Variants in SPAG16 observed in about 807,000 individuals in gnomAD.
The protein encoded by SPAG16 is sperm-associated antigen 16 protein.
A neutral mutation model predicts 80.4 loss-of-function variants in SPAG16; 86 were observed. The observed-to-expected ratio is 1.07, with a 90% CI of 0.90 to 1.28. SPAG16 has a LOEUF of 1.28. Among genes scored for constraint, SPAG16 ranks in the 50% most tolerant of loss-of-function variants. SPAG16 has a pLI of 0.00. For missense variants in SPAG16, 870 were observed against 765.3 expected, an observed-to-expected ratio of 1.14 and a Z score of -1.61; for synonymous variants, 294 against 265.9, an observed-to-expected ratio of 1.11 and a Z score of -1.03.
At position 213,885,527 on chromosome 2, in the gene SPAG16, T is replaced by C. The variant is rs1363755013; in HGVS notation, c.1214+22899T>C. Among the ~76,000 whole-genome samples, 5 of 152,216 alleles carry C rather than the reference T, an allele frequency of 3.3e-5. No individual in the cohort carries two copies. The East Asian group carries it at 9.6e-4, about 29-fold the overall frequency. ...ACAAAAATTAATTAGTTACAGTTGG[T>C]GTTCTTTTCCGTGAGACTTTTCTTT... On this transcript the variant is annotated intron_variant, in intron 11 of 15. Coordinates refer to ENST00000331683, the MANE Select transcript of SPAG16 (RefSeq NM_024532.5).
intron 9 of SPAG16, among the ~76,000 whole-genome samples, chr2:213,408,805 C>A (rs1362472963): frequency 6.6e-6 from 1 of 152,124 alleles, no homozygotes; most frequent in African/African-American, 2.4e-5. Flanking sequence ...TTAAACAGAA[C>A]CAGGAAGGAA....
At chr2:214,397,759 C>T (rs1238078388) in intron 15 of SPAG16, among the ~76,000 whole-genome samples, 1 of 152,208 alleles carries the variant, frequency 6.6e-6, no homozygotes, top group Non-Finnish European at 1.5e-5. Context: ...GCACAGTTTT[C>T]AAGGCCTACA....
intron 10 of SPAG16, among the ~76,000 whole-genome samples, chr2:213,790,219 A>AT (rs1418569463): frequency 6.6e-6 from 1 of 151,820 alleles, no homozygotes; most frequent in African/African-American, 2.4e-5. Flanking sequence ...ATAAGATGCA[A>AT]TTTTTTGGCA....
intron 10 of SPAG16, among the ~76,000 whole-genome samples, chr2:213,722,488 G>C (rs1034072389): frequency 6.6e-6 from 1 of 152,080 alleles, no homozygotes; most frequent in Non-Finnish European, 1.5e-5. Context: ...GAAATAGAAG[G>C]GCACATGCAG....
intron 10 of SPAG16, among the ~76,000 whole-genome samples, chr2:213,807,253 T>C (rs2071824480): frequency 1.3e-5 from 2 of 152,166 alleles, no homozygotes; most frequent in Admixed American, 1.3e-4. Flanking sequence ...TTCTTTGCAC[T>C]GCTTTTTAGT....
intron 15 of SPAG16, among the ~76,000 whole-genome samples, chr2:214,220,972 C>A (rs192696007): frequency 5.9e-5 from 9 of 152,180 alleles, no homozygotes; most frequent in African/African-American, 2.2e-4. Flanking sequence ...TTTGTAGTTT[C>A]TTTTTCACCC....
chr2:213,504,165 T>C (rs1401548315), intron 10 of SPAG16, among the ~76,000 whole-genome samples: 4 of 152,216 alleles, frequency 2.6e-5, no homozygotes, highest in Middle Eastern at 3.2e-3. Context: ...AGGGGCTCCA[T>C]GCCTGGTTTG....
At chr2:213,301,086 G>C (rs2062723477) in intron 3 of SPAG16, among the ~76,000 whole-genome samples, 2 of 152,040 alleles carry the variant, frequency 1.3e-5, no homozygotes, top group Non-Finnish European at 2.9e-5. Flanking sequence ...AATTACTTTT[G>C]CATCAACCTA....
At chr2:213,912,876 A>C (rs919835192) in intron 11 of SPAG16, among the ~76,000 whole-genome samples, 2 of 152,140 alleles carry the variant, frequency 1.3e-5, no homozygotes, top group Non-Finnish European at 1.5e-5. Context: ...CTGAAATTTG[A>C]AGTCATTTGT....
intron 9 of SPAG16, among the ~76,000 whole-genome samples, chr2:213,430,453 T>C (rs2070221427): frequency 6.6e-6 from 1 of 152,184 alleles, no homozygotes; most frequent in African/African-American, 2.4e-5. Flanking sequence ...CTGAAAACAT[T>C]ATGAGATTTT....
At chr2:214,175,324 TATATAAA>T (rs2057040476) in intron 15 of SPAG16, among the ~76,000 whole-genome samples, 2 of 146,172 alleles carry the variant, frequency 1.4e-5, no homozygotes, top group Non-Finnish European at 1.5e-5. Context: ...AAGAAATATA[TATATAAA>T]GAAATATATA....
chr2:214,248,084 A>T (rs563742049), intron 15 of SPAG16, among the ~76,000 whole-genome samples: 7 of 152,128 alleles, frequency 4.6e-5, no homozygotes, highest in South Asian at 2.1e-4. Context: ...ATTAAAATTA[A>T]AAAACACAAA....
chr2:213,702,421 A>G (rs941376948), intron 10 of SPAG16, among the ~76,000 whole-genome samples: 5 of 152,106 alleles, frequency 3.3e-5, no homozygotes, highest in African/African-American at 1.2e-4. Context: ...TGTAACACTC[A>G]CCGCGAAGGT....
chr2:213,755,028 G>A (rs1033036682), intron 10 of SPAG16, among the ~76,000 whole-genome samples: 1 of 152,186 alleles, frequency 6.6e-6, no homozygotes, highest in South Asian at 2.1e-4. Context: ...GTACTGAGAT[G>A]TAATATACAA....
At chr2:214,169,295 T>A (rs1246804283) in intron 15 of SPAG16, among the ~76,000 whole-genome samples, 3 of 152,100 alleles carry the variant, frequency 2.0e-5, no homozygotes, top group Non-Finnish European at 2.9e-5. Flanking sequence ...CCATTTTGTG[T>A]TAAAAAAGAA....
intron 12 of SPAG16, among the ~76,000 whole-genome samples, chr2:213,966,551 CA>C (rs957289487): frequency 3.3e-5 from 5 of 152,066 alleles, no homozygotes; most frequent in African/African-American, 1.2e-4. Context: ...TTTTAAAAAA[CA>C]TCTGCCAAGG....
intron 10 of SPAG16, among the ~76,000 whole-genome samples, chr2:213,791,172 T>G (rs1253560210): frequency 6.6e-6 from 1 of 152,058 alleles, no homozygotes; most frequent in African/African-American, 2.4e-5. Context: ...AGAGCAAAAC[T>G]AATATAGAAA....
At chr2:213,801,479 A>G (rs2071394923) in intron 10 of SPAG16, among the ~76,000 whole-genome samples, 1 of 152,246 alleles carries the variant, frequency 6.6e-6, no homozygotes, top group Non-Finnish European at 1.5e-5. Flanking sequence ...AGTCAAATAT[A>G]TATTTTGCAA....
chr2:214,202,676 G>A (rs1401666422), intron 15 of SPAG16, among the ~76,000 whole-genome samples: 2 of 152,064 alleles, frequency 1.3e-5, no homozygotes, highest in Admixed American at 6.6e-5. Flanking sequence ...TAAGAAGGAA[G>A]TTGCACTTCC....
Sources: allele counts gnomAD v4.1 joint callset (sites outside exome capture counted in the v4.1 genomes callset), GRCh38; gene constraint gnomAD v4.1.1; transcripts MANE v1.5; gene names NCBI Gene and HGNC (gene_info 2026-07-23, HGNC 2026-07-21).